Variants in EYS observed in about 807,000 individuals in gnomAD.
The protein encoded by EYS is EGF-like photoreceptor maintenance factor.
Under a neutral mutation model 282.1 loss-of-function variants are expected in EYS, and 250 were observed. That is an observed-to-expected ratio of 0.89 (90% CI 0.80 to 0.98). The LOEUF (loss-of-function observed/expected upper bound fraction) is 0.98, where lower values mean the gene tolerates loss of function less well. Ranked by LOEUF, EYS falls within the 50% of genes least tolerant of loss-of-function variation. EYS has a pLI of 0.00. For synonymous variants in EYS, 1,355 were observed against 1,282.9 expected, an observed-to-expected ratio of 1.06 and a Z score of -1.20; for missense variants, 4,016 against 3,709.0, an observed-to-expected ratio of 1.08 and a Z score of -2.15.
intron 29 of EYS, among the ~76,000 whole-genome samples, chr6:64,349,744 C>T (rs774478600): frequency 1.3e-5 from 2 of 151,296 alleles, no homozygotes; most frequent in African/African-American, 4.8e-5. Flanking sequence ...TTTGTTAATG[C>T]CCTATTGATA....
intron 2 of EYS, among the ~76,000 whole-genome samples, chr6:65,532,063 T>G (rs1178071892): frequency 6.6e-6 from 1 of 152,168 alleles, no homozygotes; most frequent in Non-Finnish European, 1.5e-5. Flanking sequence ...GTTGTTATTA[T>G]TTCTATTGCT....
chr6:65,671,579 G>A (rs9345669), intron 1 of EYS, among the ~76,000 whole-genome samples: 7,729 of 152,074 alleles, frequency 0.051, 448 homozygotes, highest in East Asian at 0.33. Flanking sequence ...GTGAAGTAAG[G>A]AAGATGGTTG....
chr6:64,225,850 A>G (rs1192959448), intron 31 of EYS, among the ~76,000 whole-genome samples: 3 of 152,164 alleles, frequency 2.0e-5, no homozygotes, highest in African/African-American at 7.2e-5. Flanking sequence ...CTTTGATAAT[A>G]GGTAATCTTG....
chr6:64,353,444 A>G (rs1016048745), intron 29 of EYS, among the ~76,000 whole-genome samples: 8 of 151,612 alleles, frequency 5.3e-5, no homozygotes, highest in African/African-American at 1.7e-4. Flanking sequence ...ATACATGGCA[A>G]TACAGTCAAC....
chr6:64,926,811 T>C lies in EYS; in HGVS notation c.2382-14068A>G, dbSNP rs180932897. On this transcript the variant is annotated intron_variant, in intron 15 of 42. Coordinates refer to ENST00000503581, the MANE Select transcript of EYS (RefSeq NM_001142800.2). ...GTGAAAGAAAGGTGTTTAAAAACTT[T>C]GAAAAAGAGATAGACCCTAAAATGT... 1.9e-3 allele frequency among the ~76,000 whole-genome samples: 288 copies of C among 152,246 alleles called. 4 individuals carry two copies. Among genetic ancestry groups the C allele is most frequent in the Admixed American group, 0.018 (271 of 15,288 alleles).
In EYS at chr6:64,211,898, T is replaced by C. The variant is rs866306998; in HGVS notation, c.6424+18694A>G. Among the ~76,000 whole-genome samples, 14 of 151,836 alleles carry C rather than the reference T, an allele frequency of 9.2e-5. 1 individual carries two copies. Among genetic ancestry groups the C allele is most frequent in the African/African-American group, 3.4e-4 (14 of 41,476 alleles). On this transcript the variant is annotated intron_variant, in intron 31 of 42. Coordinates refer to ENST00000503581, the MANE Select transcript of EYS (RefSeq NM_001142800.2). ...TCAGAGGCGGAGGCAGGCAGGTCAC[T>C]TGCGATCAGGAGTTTGAGACCAGCT...
At chr6:65,491,924 C>G (rs1321555960) in intron 4 of EYS, among the ~76,000 whole-genome samples, 1 of 152,092 alleles carries the variant, frequency 6.6e-6, no homozygotes, top group Non-Finnish European at 1.5e-5. Flanking sequence ...CAGATACATA[C>G]AGAGAAATGA....
intron 28 of EYS, among the ~76,000 whole-genome samples, chr6:64,415,927 T>C (rs1001202382): frequency 6.6e-6 from 1 of 152,216 alleles, no homozygotes; most frequent in African/African-American, 2.4e-5. Context: ...GTTTCTAAGC[T>C]TTATAGAAAC....
intron 22 of EYS, among the ~76,000 whole-genome samples, chr6:64,781,845 CTGTT>C (rs1216034717): frequency 6.6e-6 from 1 of 152,208 alleles, no homozygotes; most frequent in Non-Finnish European, 1.5e-5. Flanking sequence ...TGCTATAAAA[CTGTT>C]TAACTACTGT....
At chr6:64,431,659 T>C (rs926065942) in intron 28 of EYS, among the ~76,000 whole-genome samples, 1 of 152,132 alleles carries the variant, frequency 6.6e-6, no homozygotes, top group Non-Finnish European at 1.5e-5. Context: ...AGTAAGACTC[T>C]ATTGCATACG....
chr6:64,295,264 C>A (rs1378245754), intron 30 of EYS, among the ~76,000 whole-genome samples: 5 of 139,308 alleles, frequency 3.6e-5, no homozygotes, highest in Non-Finnish European at 7.6e-5. Context: ...AGCACACCAA[C>A]ATGCACATGT....
chr6:64,450,176 C>A (rs12175240), intron 26 of EYS, among the ~76,000 whole-genome samples: 6 of 151,126 alleles, frequency 4.0e-5, no homozygotes. Flanking sequence ...ACCAAGCAAA[C>A]AGAAGACAAA....
At chr6:63,756,206 G>A (rs1291053129) in intron 41 of EYS, among the ~76,000 whole-genome samples, 6 of 152,044 alleles carry the variant, frequency 3.9e-5, no homozygotes, top group African/African-American at 9.7e-5. Context: ...GTCTTGTGCC[G>A]GTTTTCAAAG....
chr6:64,516,474 T>C (rs1037804586), intron 26 of EYS, among the ~76,000 whole-genome samples: 4 of 151,800 alleles, frequency 2.6e-5, no homozygotes, highest in African/African-American at 4.8e-5. Flanking sequence ...TTTTTCAAAA[T>C]AATATTTTTT....
chr6:64,282,648 A>G (rs1332809711), intron 30 of EYS, among the ~76,000 whole-genome samples: 2 of 152,232 alleles, frequency 1.3e-5, no homozygotes, highest in South Asian at 2.1e-4. Context: ...TTTCTTAAGC[A>G]TAATTATTGT....
chr6:64,319,661 G>T (rs940880213), intron 29 of EYS, among the ~76,000 whole-genome samples: 2 of 152,066 alleles, frequency 1.3e-5, no homozygotes, highest in East Asian at 3.9e-4. Context: ...GTATGTGTGT[G>T]TGTCTGTGTG....
intron 34 of EYS, among the ~76,000 whole-genome samples, chr6:63,988,085 AG>A (rs1007761732): frequency 2.2e-4 from 33 of 151,656 alleles, no homozygotes; most frequent in African/African-American, 7.5e-4. Flanking sequence ...GGAAGCTAAA[AG>A]TTGCAAGGTG....
At chr6:64,830,255 C>A (rs1345994293) in intron 19 of EYS, among the ~76,000 whole-genome samples, 1 of 151,820 alleles carries the variant, frequency 6.6e-6, no homozygotes, top group Non-Finnish European at 1.5e-5. Context: ...ATCCTCTAGA[C>A]CTATAAGAAA....
intron 33 of EYS, among the ~76,000 whole-genome samples, chr6:64,000,380 G>T (rs1768038486): frequency 1.3e-5 from 2 of 150,152 alleles, no homozygotes. Flanking sequence ...ATTTTTAGTA[G>T]AGATGGAAAC....
Sources: gnomAD v4.1 joint callset for allele counts (sites outside exome capture counted in the v4.1 genomes callset) on GRCh38, gnomAD v4.1.1 for gene constraint, MANE v1.5 for transcripts, NCBI Gene and HGNC (gene_info 2026-07-23, HGNC 2026-07-21) for gene names.